Variants in TIAM1 observed in about 807,000 individuals in gnomAD.
The protein encoded by TIAM1 is rho guanine nucleotide exchange factor TIAM1.
TIAM1 carries 65 observed loss-of-function variants against 163.5 expected under a neutral mutation model. The ratio of observed to expected loss-of-function variants is 0.40; its 90% CI spans 0.33 to 0.49. The LOEUF (loss-of-function observed/expected upper bound fraction) is 0.49. TIAM1 is among the 20% of genes least tolerant of loss of function. The pLI, the probability that TIAM1 is intolerant of heterozygous loss-of-function variation, is 0.77. For missense variants in TIAM1, 1,789 were observed against 2,044.7 expected, an observed-to-expected ratio of 0.87 and a Z score of 2.41; for synonymous variants, 833 against 810.1, an observed-to-expected ratio of 1.03 and a Z score of -0.48.
At chr21:31,333,660 G>A (rs547562229) in intron 2 of TIAM1, among the ~76,000 whole-genome samples, 1 of 152,196 alleles carries the variant, frequency 6.6e-6, no homozygotes, top group East Asian at 1.9e-4. Flanking sequence ...GGCTGGTCTC[G>A]AATCTCTAGG....
intron 2 of TIAM1, among the ~76,000 whole-genome samples, chr21:31,377,249 A>C (rs528352593): frequency 2.6e-5 from 4 of 151,344 alleles, no homozygotes; most frequent in African/African-American, 9.7e-5. Context: ...CCTGCTGGAG[A>C]AACTCAGACC....
At chr21:31,529,403 T>C (rs2047903232) in intron 1 of TIAM1, among the ~76,000 whole-genome samples, 1 of 152,134 alleles carries the variant, frequency 6.6e-6, no homozygotes, top group Admixed American at 6.5e-5. Context: ...ACTGTAACAA[T>C]TACTAGTGTA....
At chr21:31,335,098 C>T (rs1406212347) in intron 2 of TIAM1, among the ~76,000 whole-genome samples, 2 of 152,136 alleles carry the variant, frequency 1.3e-5, no homozygotes, top group African/African-American at 2.4e-5. Context: ...CATCCCAGGC[C>T]GTTTGTGCCA....
chr21:31,469,797 C>T (rs534525480), intron 1 of TIAM1, among the ~76,000 whole-genome samples: 2 of 151,568 alleles, frequency 1.3e-5, no homozygotes, highest in East Asian at 2.0e-4. Flanking sequence ...GCGCCACTGC[C>T]CTCCAGCCTG....
At position 31,432,257 on chromosome 21, in the gene TIAM1, T is replaced by C. The variant is rs577231075; in HGVS notation, c.-369+31726A>G. ...CTGGGACTACAGGCACATGCCACCATGCCCAGCTAATTTTTGTATTTTTAG... is the reference window on the plus strand; with the variant it reads ...CTGGGACTACAGGCACATGCCACCACGCCCAGCTAATTTTTGTATTTTTAG... On this transcript the variant is annotated intron_variant, in intron 2 of 28. Transcript: ENST00000286827. Among the ~76,000 whole-genome samples the C allele has an allele frequency of 1.6e-4, 24 of 152,196 alleles. No individual in the cohort carries two copies. The South Asian group carries it at 4.8e-3, about 30-fold the overall frequency.
intron 22 of TIAM1, among the ~76,000 whole-genome samples, chr21:31,138,688 G>A (rs1039492569): frequency 2.6e-5 from 4 of 152,154 alleles, no homozygotes; most frequent in Non-Finnish European, 5.9e-5. Context: ...TCTCCCTAGG[G>A]TTTTGTTCTT....
chr21:31,202,290 G>A (rs7281697), intron 12 of TIAM1, among the ~76,000 whole-genome samples: 26,187 of 151,798 alleles, frequency 0.17, 3,329 homozygotes, highest in East Asian at 0.4. Context: ...AGTGGCTCAC[G>A]CCTGTAATTC....
chr21:31,312,929 G>A (rs1023312927), intron 2 of TIAM1, among the ~76,000 whole-genome samples: 2 of 152,196 alleles, frequency 1.3e-5, no homozygotes, highest in Non-Finnish European at 2.9e-5. Flanking sequence ...ATGTGTGCCA[G>A]GGGGCATCCT....
chr21:31,202,797 T>A (rs867839024), intron 12 of TIAM1, 111 bp downstream of exon 12: 2 of 1,000,910 alleles, frequency 2.0e-6, no homozygotes, highest in African/African-American at 1.6e-5. Context: ...TGAATGAAGC[T>A]CATTTATTTT....
At chr21:31,529,803 A>G (rs531842957) in intron 1 of TIAM1, among the ~76,000 whole-genome samples, 2 of 152,264 alleles carry the variant, frequency 1.3e-5, no homozygotes, top group East Asian at 3.9e-4. Flanking sequence ...AATTCACCTC[A>G]TGCCCCCTTC....
intron 2 of TIAM1, among the ~76,000 whole-genome samples, chr21:31,288,246 AAAAC>A (rs1237578272): frequency 2.6e-5 from 4 of 152,206 alleles, no homozygotes; most frequent in Non-Finnish European, 5.9e-5. Context: ...TTAAAAAACA[AAAAC>A]AAACAAACAA....
intron 2 of TIAM1, among the ~76,000 whole-genome samples, chr21:31,305,423 A>T (rs942677120): frequency 6.6e-4 from 36 of 54,726 alleles, no homozygotes; most frequent in African/African-American, 2.0e-3. Flanking sequence ...AAATAAAAAT[A>T]AAAAAAAAAA....
chr21:31,270,582 G>A (rs909232066), intron 3 of TIAM1, among the ~76,000 whole-genome samples: 2 of 152,204 alleles, frequency 1.3e-5, no homozygotes, highest in African/African-American at 4.8e-5. Context: ...CCTCAAGTCT[G>A]GCTTCTCGTG....
At chr21:31,307,687 A>G (rs112316863) in intron 2 of TIAM1, among the ~76,000 whole-genome samples, 6 of 152,260 alleles carry the variant, frequency 3.9e-5, no homozygotes, top group African/African-American at 1.4e-4. Flanking sequence ...TCTGTCTTCA[A>G]GGAGCTCAAG....
intron 9 of TIAM1, among the ~76,000 whole-genome samples, chr21:31,215,730 T>C (rs1156454843): frequency 6.6e-6 from 1 of 152,136 alleles, no homozygotes; most frequent in African/African-American, 2.4e-5. Flanking sequence ...GTAAAACCCA[T>C]GGAAGCAAGC....
chr21:31,273,842 G>A (rs2073173365), intron 3 of TIAM1, among the ~76,000 whole-genome samples: 1 of 152,186 alleles, frequency 6.6e-6, no homozygotes, highest in Admixed American at 6.5e-5. Flanking sequence ...CTGAGTAAAT[G>A]TAAACACCCT....
At chr21:31,249,007 A>G (rs1601698965) in intron 5 of TIAM1, among the ~76,000 whole-genome samples, 2 of 152,322 alleles carry the variant, frequency 1.3e-5, no homozygotes, top group Non-Finnish European at 1.5e-5. Context: ...TATGCCACTA[A>G]CATTGCTGCT....
rs144643647 is a variant in TIAM1, at chr21:31,461,724, A to G, written c.-369+2259T>C. On this transcript the variant is annotated intron_variant, in intron 2 of 28. Transcript: ENST00000286827. ...TCTATTGCCCAAGCTGGAGTGCAGT[A>G]GTGTGATCATGGCTCACTGCAGCCT... Among the ~76,000 whole-genome samples, 463 of 152,266 alleles carry G rather than the reference A, an allele frequency of 3.0e-3. 6 individuals are homozygous for G. The highest frequency in any genetic ancestry group is 0.011 in the African/African-American group (439 of 41,560).
intron 8 of TIAM1, among the ~76,000 whole-genome samples, chr21:31,222,778 T>C (rs1396116708): frequency 1.5e-5 from 2 of 134,524 alleles, no homozygotes; most frequent in Admixed American, 1.7e-4. Context: ...AGTGCAGTGG[T>C]GCGACCTTGG....
Sources: allele counts gnomAD v4.1 joint callset (sites outside exome capture counted in the v4.1 genomes callset), GRCh38; gene constraint gnomAD v4.1.1; transcripts MANE v1.5; gene names NCBI Gene and HGNC (gene_info 2026-07-23, HGNC 2026-07-21).